The following SPOCK3 variants were observed in gnomAD, a reference collection of about 807,000 sequenced individuals.
The protein encoded by SPOCK3 is testican-3.
A neutral mutation model predicts 56.6 loss-of-function variants in SPOCK3; 30 were observed. The observed-to-expected ratio is 0.53, with a 90% CI of 0.40 to 0.72. The LOEUF (loss-of-function observed/expected upper bound fraction) is 0.72. Ranked by LOEUF, SPOCK3 falls within the 30% of genes least tolerant of loss-of-function variation. SPOCK3 has a pLI of 0.00. For missense variants in SPOCK3, 527 were observed against 530.0 expected, an observed-to-expected ratio of 0.99 and a Z score of 0.06; for synonymous variants, 196 against 183.3, an observed-to-expected ratio of 1.07 and a Z score of -0.56.
rs1189803335 is a variant in SPOCK3, at chr4:166,960,919, A to G, written c.350+39430T>C. Among the ~76,000 whole-genome samples, 6 of 152,318 alleles carry G rather than the reference A, an allele frequency of 3.9e-5. No homozygotes were observed. The East Asian group carries it at 1.2e-3, about 29-fold the overall frequency. On this transcript the variant is annotated intron_variant, in intron 4 of 10. Coordinates refer to ENST00000357545, the MANE Select transcript of SPOCK3 (RefSeq NM_001040159.2). ...AAGAATCAAGGGCTGAGGAGAATTT[A>G]TCACATATTAGATAATTAGATCCAA...
intron 6 of SPOCK3, among the ~76,000 whole-genome samples, chr4:166,805,882 T>C (rs898176284): frequency 7.2e-5 from 11 of 152,244 alleles, no homozygotes; most frequent in Non-Finnish European, 1.2e-4. Flanking sequence ...TTGTTTACAA[T>C]AAATACTATT....
chr4:166,940,817 A>ACTT (rs1740966905), intron 4 of SPOCK3, among the ~76,000 whole-genome samples: 1 of 144,592 alleles, frequency 6.9e-6, no homozygotes, highest in Admixed American at 6.8e-5. Flanking sequence ...ACTACTAGTA[A>ACTT]GCAACTAGTG....
chr4:166,988,290 AC>A (rs1747384022), intron 4 of SPOCK3, among the ~76,000 whole-genome samples: 1 of 152,134 alleles, frequency 6.6e-6, no homozygotes, highest in Non-Finnish European at 1.5e-5. Flanking sequence ...TGATATCTGC[AC>A]AAGTCAGTAA....
rs1023077930 is a variant in SPOCK3, at chr4:167,191,295, CAA to C, written c.189+42688_189+42689del. 2.1e-4 allele frequency among the ~76,000 whole-genome samples: 30 copies of C among 144,924 alleles called. 4 individuals are homozygous for C. The highest frequency in any genetic ancestry group is 7.9e-4 in the African/African-American group (30 of 37,994). On this transcript the variant is annotated intron_variant, in intron 2 of 10. Transcript: ENST00000357545. ...TGCACAAAGCAAGAAAAGAATGAAGCAAAAAAAGCACAGATTTATTGAAATGA... is the reference window on the plus strand; with the variant it reads ...TGCACAAAGCAAGAAAAGAATGAAGCAAAAAGCACAGATTTATTGAAATGA...
At chr4:166,833,834 G>A (rs1483465889) in intron 6 of SPOCK3, among the ~76,000 whole-genome samples, 1 of 152,078 alleles carries the variant, frequency 6.6e-6, no homozygotes, top group Non-Finnish European at 1.5e-5. Context: ...TCTTCTATCT[G>A]TGGTTGCGTT....
intron 2 of SPOCK3, chr4:167,120,006 G>T (rs1202807363): frequency 1.7e-6 from 1 of 573,712 alleles, no homozygotes; most frequent in African/African-American, 1.9e-5. Context: ...TTATGTTAAA[G>T]CAGTGTATCT....
intron 3 of SPOCK3, among the ~76,000 whole-genome samples, chr4:167,052,442 A>T (rs1042496210): frequency 6.6e-6 from 1 of 152,208 alleles, no homozygotes; most frequent in Non-Finnish European, 1.5e-5. Flanking sequence ...TTAGAAGTTG[A>T]ATGTCTAAAC....
intron 5 of SPOCK3, among the ~76,000 whole-genome samples, chr4:166,893,378 C>G (rs540020821): frequency 6.6e-6 from 1 of 152,216 alleles, no homozygotes; most frequent in East Asian, 1.9e-4. Context: ...TACAAACCAA[C>G]TTAATTATCT....
At chr4:166,951,434 G>T (rs4634253) in intron 4 of SPOCK3, among the ~76,000 whole-genome samples, 102,420 of 139,796 alleles carry the variant, frequency 0.73, 40,881 homozygotes, top group East Asian at 0.91. Context: ...ATTGAGGCAA[G>T]AATCAATAGC....
chr4:166,778,025 C>T (rs528618161), intron 7 of SPOCK3, among the ~76,000 whole-genome samples: 3 of 152,236 alleles, frequency 2.0e-5, no homozygotes, highest in African/African-American at 7.2e-5. Context: ...GCTTGTCCTG[C>T]TTCCTCAACC....
intron 6 of SPOCK3, among the ~76,000 whole-genome samples, chr4:166,794,617 TTTC>T (rs1396858344): frequency 1.3e-5 from 2 of 151,712 alleles, no homozygotes; most frequent in Non-Finnish European, 2.9e-5. Flanking sequence ...ATTGTTTCTT[TTTC>T]TTTTTTTTTT....
chr4:166,847,647 TTATATATA>T (rs147015731), intron 6 of SPOCK3, among the ~76,000 whole-genome samples: 831 of 55,404 alleles, frequency 0.015, 48 homozygotes, highest in African/African-American at 0.038. Context: ...AAATCCTAGT[TTATATATA>T]TATATATATA....
At chr4:166,816,679 A>G (rs984572404) in intron 6 of SPOCK3, among the ~76,000 whole-genome samples, 1 of 152,114 alleles carries the variant, frequency 6.6e-6, no homozygotes, top group African/African-American at 2.4e-5. Flanking sequence ...CAGAAATTCT[A>G]TGCAGTCTGA....
chr4:167,205,399 T>G (rs1385395990), intron 2 of SPOCK3, among the ~76,000 whole-genome samples: 1 of 44,632 alleles, frequency 2.2e-5, no homozygotes, highest in Non-Finnish European at 3.7e-5. Context: ...ATTTTATATA[T>G]AATATATTAT....
At chr4:166,941,355 C>G (rs937622230) in intron 4 of SPOCK3, among the ~76,000 whole-genome samples, 60 of 152,150 alleles carry the variant, frequency 3.9e-4, no homozygotes. Context: ...TTATTAACTC[C>G]GGGATGAAAC....
intron 2 of SPOCK3, among the ~76,000 whole-genome samples, chr4:167,129,561 GTTTC>G (rs1007048865): frequency 3.3e-5 from 5 of 151,088 alleles, no homozygotes; most frequent in East Asian, 1.9e-4. Flanking sequence ...CAGACATTCT[GTTTC>G]TTTCTTTTTT....
chr4:166,837,233 T>C (rs1188661920), intron 6 of SPOCK3, among the ~76,000 whole-genome samples: 1 of 152,212 alleles, frequency 6.6e-6, no homozygotes, highest in African/African-American at 2.4e-5. Context: ...TTCTGAGTAG[T>C]GTGAAGTTAG....
At chr4:167,090,390 G>A (rs1380607592) in intron 2 of SPOCK3, among the ~76,000 whole-genome samples, 1 of 151,886 alleles carries the variant, frequency 6.6e-6, no homozygotes, top group African/African-American at 2.4e-5. Flanking sequence ...GACTAATGAT[G>A]TTGATCAACT....
intron 7 of SPOCK3, 40 bp downstream of exon 7, chr4:166,792,130 T>G (rs201436080): frequency 6.2e-7 from 1 of 1,611,874 alleles, no homozygotes; most frequent in Non-Finnish European, 8.5e-7. Flanking sequence ...TAAAACTTCA[T>G]AACAGATACA....
Sources: gnomAD v4.1 joint callset for allele counts (sites outside exome capture counted in the v4.1 genomes callset) on GRCh38, gnomAD v4.1.1 for gene constraint, MANE v1.5 for transcripts, NCBI Gene and HGNC (gene_info 2026-07-23, HGNC 2026-07-21) for gene names.